Variants in PLEKHA8 observed in about 807,000 individuals in gnomAD.
The protein encoded by PLEKHA8 is pleckstrin homology domain-containing family A member 8.
A neutral mutation model predicts 68.2 loss-of-function variants in PLEKHA8; 36 were observed. That is an observed-to-expected ratio of 0.53 (90% CI 0.40 to 0.70). The LOEUF is 0.70. PLEKHA8 is among the 30% of genes least tolerant of loss of function. The pLI is 0.00. For missense variants in PLEKHA8, 505 were observed against 615.4 expected (o/e 0.82, Z 1.90); for synonymous variants, 211 against 216.1 (o/e 0.98, Z 0.20).
chr7:30,094,523 A>G (rs1373334425), downstream of PLEKHA8, among the ~76,000 whole-genome samples: 1 of 150,982 alleles, frequency 6.6e-6, no homozygotes, highest in Non-Finnish European at 1.5e-5. Context: ...AAATTTTATT[A>G]TTATTATACT....
intron 1 of PLEKHA8, among the ~76,000 whole-genome samples, chr7:30,034,131 C>T (rs1371730724): frequency 7.0e-6 from 1 of 143,772 alleles, no homozygotes. Flanking sequence ...GCCTCAGCCT[C>T]CTGAGTACCT....
chr7:30,129,390 G>A, exon 14 of PLEKHA8: 2 of 1,565,332 alleles, frequency 1.3e-6, no homozygotes. Flanking sequence ...TGATGATAAA[G>A]AAGCAGCCAA....
chr7:30,082,951 C>A lies in PLEKHA8; in HGVS notation c.*4164C>A. The A allele has an allele frequency of 1.0e-6, 1 of 985,390 alleles. No individual in the cohort carries two copies. Among genetic ancestry groups the A allele is most frequent in the Non-Finnish European group, 1.2e-6 (1 of 829,926 alleles). The allele number at this position is 985,390 out of a possible 1,614,324, so 61.0% of individuals were successfully genotyped here. A position where few individuals can be genotyped will look rare whatever the true frequency, so the allele number is the denominator to read the frequency against. On this transcript the variant is annotated 3_prime_UTR_variant, in exon 14 of 14. Coordinates refer to ENST00000449726, the MANE Select transcript of PLEKHA8 (RefSeq NM_001197026.2). ...GTTATATAATGGTGCGTCTCTGAAT[C>A]ACTGATTAAAACCAGTTGCTTCTGA...
At chr7:30,044,457 A>G (rs533132040) in intron 1 of PLEKHA8, among the ~76,000 whole-genome samples, 2 of 152,364 alleles carry the variant, frequency 1.3e-5, no homozygotes, top group East Asian at 1.9e-4. Context: ...AAATTCTCCA[A>G]TATTGAAGTG....
downstream of PLEKHA8, among the ~76,000 whole-genome samples, chr7:30,084,910 C>T (rs1454198416): frequency 2.0e-5 from 3 of 151,946 alleles, no homozygotes; most frequent in African/African-American, 7.3e-5. Flanking sequence ...GGCTACAAAC[C>T]CAGGCAACCA....
intron 13 of PLEKHA8, among the ~76,000 whole-genome samples, chr7:30,075,623 A>G (rs1794564475): frequency 6.6e-6 from 1 of 152,166 alleles, no homozygotes; most frequent in Non-Finnish European, 1.5e-5. Context: ...GTTCTTAGGC[A>G]ATGGATGCTC....
intron 13 of PLEKHA8, among the ~76,000 whole-genome samples, chr7:30,126,929 C>T (rs759804428): frequency 5.3e-5 from 8 of 152,178 alleles, no homozygotes; most frequent in African/African-American, 1.2e-4. Context: ...AGATGAGATT[C>T]GGGTGGGGAC....
chr7:30,128,528 CTTTT>C (rs1450055691), intron 13 of PLEKHA8, among the ~76,000 whole-genome samples: 1 of 152,110 alleles, frequency 6.6e-6, no homozygotes, highest in Non-Finnish European at 1.5e-5. Flanking sequence ...ATCTTGGTTT[CTTTT>C]TATTTCTTTC....
chr7:30,057,611 C>T (rs773605685), intron 9 of PLEKHA8, among the ~76,000 whole-genome samples: 2 of 152,050 alleles, frequency 1.3e-5, no homozygotes, highest in Non-Finnish European at 2.9e-5. Flanking sequence ...GCCTGTGCCA[C>T]CATGCCTGGC....
chr7:30,077,334 T>C lies in PLEKHA8; in HGVS notation c.1363-1256T>C, dbSNP rs142302739. Among the ~76,000 whole-genome samples the C allele has an allele frequency of 3.3e-3, 510 of 152,294 alleles. 1 individual carries two copies. Among genetic ancestry groups the C allele is most frequent in the Non-Finnish European group, 4.7e-3 (319 of 68,010 alleles). On this transcript the variant is annotated intron_variant, in intron 13 of 13. Transcript: ENST00000449726. ...GAGCACTTGATTAGGTCTTTAAATC[T>C]GGAGACTCCTATCCTCCAGTTCTGG...
rs961131589 is a variant in PLEKHA8, at chr7:30,082,169, T to C, written c.*3382T>C. 5.1e-6 allele frequency: 5 copies of C among 985,324 alleles called. No individual in the cohort carries two copies. Among genetic ancestry groups the C allele is most frequent in the African/African-American group, 1.7e-5 (1 of 57,244 alleles). The allele number at this position is 985,324 out of a possible 1,614,324, so 61.0% of individuals were successfully genotyped here. On this transcript the variant is annotated 3_prime_UTR_variant, in exon 14 of 14. Coordinates refer to ENST00000449726, the MANE Select transcript of PLEKHA8 (RefSeq NM_001197026.2). ...AGTAGTGGCTTGAGGCACCTTCTTA[T>C]CATTTTTTGCATGTTATTCTGATTA...
At chr7:30,085,479 G>C (rs541795851), downstream of PLEKHA8, among the ~76,000 whole-genome samples, 4 of 152,314 alleles carry the variant, frequency 2.6e-5, no homozygotes, top group South Asian at 8.3e-4. Context: ...TGCTTAATTA[G>C]ATGACATCTG....
intron 1 of PLEKHA8, among the ~76,000 whole-genome samples, chr7:30,030,333 A>G (rs1790567405): frequency 6.7e-6 from 1 of 148,244 alleles, no homozygotes; most frequent in Admixed American, 6.7e-5. Flanking sequence ...TCTCCTTTCT[A>G]TATAGAAAGT....
At chr7:30,074,726 G>A (rs555274351) in intron 13 of PLEKHA8, among the ~76,000 whole-genome samples, 1 of 152,140 alleles carries the variant, frequency 6.6e-6, no homozygotes, top group African/African-American at 2.4e-5. Flanking sequence ...ACTGTATTGG[G>A]TGTGCCAGTG....
At chr7:30,114,321 C>A (rs76785794) in intron 13 of PLEKHA8, among the ~76,000 whole-genome samples, 2,959 of 152,288 alleles carry the variant, frequency 0.019, 46 homozygotes, top group East Asian at 0.04. Context: ...GATATAGATA[C>A]CATTAGTATA....
intron 1 of PLEKHA8, among the ~76,000 whole-genome samples, chr7:30,031,529 G>A (rs1269736528): frequency 1.3e-5 from 2 of 152,182 alleles, no homozygotes; most frequent in Non-Finnish European, 2.9e-5. Flanking sequence ...GAGAGCTGAG[G>A]AGAGTGAGGC....
intron 13 of PLEKHA8, among the ~76,000 whole-genome samples, chr7:30,120,318 T>C (rs918021589): frequency 6.6e-6 from 1 of 152,074 alleles, no homozygotes; most frequent in African/African-American, 2.4e-5. Flanking sequence ...GGGCTAACAT[T>C]TAAGGACAAA....
At chr7:30,120,836 C>G (rs1387405857) in intron 13 of PLEKHA8, among the ~76,000 whole-genome samples, 6 of 152,282 alleles carry the variant, frequency 3.9e-5, no homozygotes, top group Non-Finnish European at 7.4e-5. Flanking sequence ...CTTCTCTGAG[C>G]ATTAGTACCA....
chr7:30,072,780 T>G (rs1794333139), intron 12 of PLEKHA8, among the ~76,000 whole-genome samples: 1 of 152,194 alleles, frequency 6.6e-6, no homozygotes, highest in Non-Finnish European at 1.5e-5. Context: ...TAAATATGCT[T>G]GGAATAGAAT....
Sources: gnomAD v4.1 joint callset for allele counts (sites outside exome capture counted in the v4.1 genomes callset) on GRCh38, gnomAD v4.1.1 for gene constraint, MANE v1.5 for transcripts, NCBI Gene and HGNC (gene_info 2026-07-23, HGNC 2026-07-21) for gene names.